DLG2: variants seen among roughly 807,000 people sequenced by gnomAD.
The protein encoded by DLG2 is disks large homolog 2.
A neutral mutation model predicts 132.5 loss-of-function variants in DLG2; 45 were observed. That is an observed-to-expected ratio of 0.34 (90% CI 0.27 to 0.44). The LOEUF is 0.44. Among genes scored for constraint, DLG2 ranks in the 20% least tolerant of loss-of-function variants. The pLI is 1.00. For synonymous variants in DLG2, 424 were observed against 419.6 expected (o/e 1.01, Z -0.13); for missense variants, 1,045 against 1,196.9 (o/e 0.87, Z 1.87).
intron 7 of DLG2, among the ~76,000 whole-genome samples, chr11:84,510,650 G>A (rs1313820879): frequency 1.3e-5 from 2 of 152,022 alleles, no homozygotes; most frequent in Non-Finnish European, 2.9e-5. Flanking sequence ...AACATATTTA[G>A]TATTTTTTAA....
At chr11:85,545,054 C>A (rs778244214) in intron 3 of DLG2, among the ~76,000 whole-genome samples, 1 of 152,156 alleles carries the variant, frequency 6.6e-6, no homozygotes, top group Non-Finnish European at 1.5e-5. Context: ...AAGAGGGCAT[C>A]CTTGTGTTGT....
chr11:85,124,645 T>G (rs2074844795), intron 5 of DLG2, among the ~76,000 whole-genome samples: 1 of 152,206 alleles, frequency 6.6e-6, no homozygotes, highest in Non-Finnish European at 1.5e-5. Flanking sequence ...TTGCCTTTGG[T>G]GAAACATACA....
chr11:84,514,938 C>A (rs555387785), intron 7 of DLG2, among the ~76,000 whole-genome samples: 1 of 151,768 alleles, frequency 6.6e-6, no homozygotes, highest in African/African-American at 2.4e-5. Context: ...AATATATACA[C>A]CTACTGTGTA....
chr11:84,146,978 G>A (rs1255249366), intron 9 of DLG2, among the ~76,000 whole-genome samples: 1 of 151,832 alleles, frequency 6.6e-6, no homozygotes. Flanking sequence ...CCACATAGTG[G>A]CCACTTTTCT....
chr11:85,334,008 AC>A (rs901340098), intron 3 of DLG2, among the ~76,000 whole-genome samples: 51 of 152,128 alleles, frequency 3.4e-4, no homozygotes, highest in African/African-American at 1.2e-3. Context: ...TAGGATTTGT[AC>A]CAGCTCTGCT....
chr11:85,470,568 T>C (rs1286437522), intron 3 of DLG2, among the ~76,000 whole-genome samples: 2 of 151,902 alleles, frequency 1.3e-5, no homozygotes, highest in African/African-American at 4.8e-5. Context: ...ACTAAAAATA[T>C]AAAAGTTAGC....
intron 6 of DLG2, among the ~76,000 whole-genome samples, chr11:85,008,114 C>T (rs2058854664): frequency 6.6e-6 from 1 of 152,116 alleles, no homozygotes; most frequent in African/African-American, 2.4e-5. Context: ...AATAGCATTA[C>T]ATTATTTTAT....
At position 84,288,045 on chromosome 11, in the gene DLG2, T is replaced by A. The variant is rs191737426; in HGVS notation, c.520-36754A>T. ...TGGAACAATAATAATTAATTAAAAA[T>A]ATTTCTGAGGGAAGGTAGATGAGTC... On this transcript the variant is annotated intron_variant, in intron 7 of 27. Transcript: ENST00000376104. Among the ~76,000 whole-genome samples the A allele has an allele frequency of 9.9e-4, 150 of 152,108 alleles. 1 individual carries two copies. The highest frequency in any genetic ancestry group is 3.0e-3 in the Admixed American group (45 of 15,240).
intron 6 of DLG2, among the ~76,000 whole-genome samples, chr11:85,029,880 G>T (rs2060865002): frequency 6.6e-6 from 1 of 152,140 alleles, no homozygotes; most frequent in Admixed American, 6.5e-5. Flanking sequence ...TTGTGTGTGT[G>T]TGTGTATGTG....
intron 6 of DLG2, among the ~76,000 whole-genome samples, chr11:84,783,938 G>A (rs1047614931): frequency 2.6e-5 from 4 of 151,882 alleles, no homozygotes; most frequent in Non-Finnish European, 4.4e-5. Context: ...AGCAAATGGA[G>A]TTTTCTAGCA....
At chr11:84,618,151 T>A (rs984965000) in intron 6 of DLG2, among the ~76,000 whole-genome samples, 1 of 151,998 alleles carries the variant, frequency 6.6e-6, no homozygotes, top group Non-Finnish European at 1.5e-5. Flanking sequence ...TGTAACTATT[T>A]GGGGAGGAGC....
chr11:84,044,452 C>T (rs550108007), intron 11 of DLG2, among the ~76,000 whole-genome samples: 1 of 151,738 alleles, frequency 6.6e-6, no homozygotes, highest in Admixed American at 6.6e-5. Context: ...TGTTTTCCCA[C>T]GCCAAGTTAC....
chr11:84,673,853 C>A (rs551780859), intron 6 of DLG2, among the ~76,000 whole-genome samples: 3 of 152,058 alleles, frequency 2.0e-5, no homozygotes, highest in African/African-American at 7.2e-5. Context: ...CAAAGTCATG[C>A]TACCTGCAAC....
At chr11:84,201,878 G>A (rs2096599828) in intron 8 of DLG2, among the ~76,000 whole-genome samples, 1 of 133,726 alleles carries the variant, frequency 7.5e-6, no homozygotes, top group South Asian at 2.4e-4. Flanking sequence ...TAGTGTTATG[G>A]TGGGGTTTCG....
At chr11:84,511,593 C>T (rs563271794) in intron 7 of DLG2, among the ~76,000 whole-genome samples, 2 of 152,220 alleles carry the variant, frequency 1.3e-5, no homozygotes, top group African/African-American at 4.8e-5. Context: ...GTGCTGAGTA[C>T]TATACTAATT....
intron 7 of DLG2, among the ~76,000 whole-genome samples, chr11:84,413,161 G>A (rs182904680): frequency 1.1e-4 from 17 of 152,238 alleles, no homozygotes; most frequent in Admixed American, 3.9e-4. Flanking sequence ...GCTGTCAGAT[G>A]TCTCAGCCTG....
chr11:85,351,915 T>C (rs898325189), intron 3 of DLG2, among the ~76,000 whole-genome samples: 1 of 152,216 alleles, frequency 6.6e-6, no homozygotes, highest in Non-Finnish European at 1.5e-5. Flanking sequence ...AGGATGAGGC[T>C]GGCCTCATAA....
chr11:85,398,353 A>G (rs771336916), intron 3 of DLG2, among the ~76,000 whole-genome samples: 1 of 152,196 alleles, frequency 6.6e-6, no homozygotes, highest in Non-Finnish European at 1.5e-5. Context: ...ACACCTTAAC[A>G]TCATAATTAA....
chr11:83,573,805 A>G (rs2096835213), intron 19 of DLG2, among the ~76,000 whole-genome samples: 1 of 152,198 alleles, frequency 6.6e-6, no homozygotes. Context: ...TTGTCCCCCA[A>G]TACAGGATAA....
Sources: gnomAD v4.1 joint callset for allele counts (sites outside exome capture counted in the v4.1 genomes callset) on GRCh38, gnomAD v4.1.1 for gene constraint, MANE v1.5 for transcripts, NCBI Gene and HGNC (gene_info 2026-07-23, HGNC 2026-07-21) for gene names.